AKAP19: variants seen among roughly 807,000 people sequenced by gnomAD.
The protein encoded by AKAP19 is small A-kinase anchoring protein.
the AKAP19 span, among the ~76,000 whole-genome samples, chr2:189,886,773 GAAACATTCAGAACTGTGCCATAGC>G: frequency 3.9e-3 from 601 of 152,276 alleles, 4 homozygotes; most frequent in Non-Finnish European, 7.1e-3. Context: ...TACTAGGTAT[GAAACATTCAGAACTGTGCCATAGC>G]AAACATTCAG....
chr2:190,183,732 T>C, the AKAP19 span, among the ~76,000 whole-genome samples: 1 of 152,122 alleles, frequency 6.6e-6, no homozygotes. Context: ...AGAATAGTTC[T>C]GTGCTGACAT....
At chr2:190,052,126 A>G in the AKAP19 span, among the ~76,000 whole-genome samples, 1 of 152,066 alleles carries the variant, frequency 6.6e-6, no homozygotes, top group African/African-American at 2.4e-5. Context: ...GGCGTGATCT[A>G]CTTTTCTTTA....
chr2:190,021,649 C>A, the AKAP19 span, among the ~76,000 whole-genome samples: 2 of 152,190 alleles, frequency 1.3e-5, no homozygotes, highest in African/African-American at 2.4e-5. Flanking sequence ...GGGCATGGTG[C>A]AGACACAAGG....
At chr2:190,110,532 A>G in the AKAP19 span, among the ~76,000 whole-genome samples, 1 of 152,224 alleles carries the variant, frequency 6.6e-6, no homozygotes, top group Non-Finnish European at 1.5e-5. Context: ...TTCTGCTCAG[A>G]TGTAAGGTGA....
the AKAP19 span, chr2:189,923,414 G>A: frequency 6.2e-7 from 1 of 1,613,674 alleles, no homozygotes; most frequent in Non-Finnish European, 8.5e-7. Flanking sequence ...CAACACTCTT[G>A]TGGTCAAGAA....
the AKAP19 span, among the ~76,000 whole-genome samples, chr2:190,047,429 C>A: frequency 5.2e-3 from 789 of 152,346 alleles, 7 homozygotes; most frequent in African/African-American, 0.018. Flanking sequence ...TTCCTCACTT[C>A]TCCCGCAGCA....
At chr2:189,962,088 TCAA>T in the AKAP19 span, among the ~76,000 whole-genome samples, 2 of 152,188 alleles carry the variant, frequency 1.3e-5, no homozygotes, top group East Asian at 1.9e-4. Context: ...GCTGTTTCAG[TCAA>T]CAATGAACAG....
chr2:190,103,715 A>G, the AKAP19 span, among the ~76,000 whole-genome samples: 1 of 152,262 alleles, frequency 6.6e-6, no homozygotes. Flanking sequence ...AAAATATTCC[A>G]TACTCATAAA....
At chr2:190,002,756 T>C in the AKAP19 span, among the ~76,000 whole-genome samples, 1 of 152,176 alleles carries the variant, frequency 6.6e-6, no homozygotes, top group Non-Finnish European at 1.5e-5. Context: ...ATTTTTTCCT[T>C]CTGTCTCCTA....
chr2:190,169,086 G>A, the AKAP19 span, among the ~76,000 whole-genome samples: 1 of 152,122 alleles, frequency 6.6e-6, no homozygotes, highest in Non-Finnish European at 1.5e-5. Context: ...AGGTTTATTG[G>A]ACTTGCAGTT....
the AKAP19 span, among the ~76,000 whole-genome samples, chr2:190,066,715 A>C: frequency 7.2e-5 from 11 of 152,188 alleles, no homozygotes; most frequent in African/African-American, 1.4e-4. Context: ...GAATATGGGA[A>C]TAGAAGGCAG....
chr2:190,052,237 T>C, the AKAP19 span, among the ~76,000 whole-genome samples: 1 of 152,202 alleles, frequency 6.6e-6, no homozygotes, highest in African/African-American at 2.4e-5. Context: ...AGCCATATAA[T>C]TCACTCCATT....
chr2:190,067,188 G>C, the AKAP19 span, among the ~76,000 whole-genome samples: 19 of 152,246 alleles, frequency 1.2e-4, no homozygotes, highest in South Asian at 3.9e-3. Flanking sequence ...TGCTGACAGA[G>C]TCATGATGTC....
chr2:189,923,991 A>T, the AKAP19 span: 2 of 1,599,218 alleles, frequency 1.3e-6, no homozygotes, highest in Non-Finnish European at 1.7e-6. Context: ...AACAATGTTA[A>T]GTCAGAAGAG....
chr2:190,085,705 A>G, the AKAP19 span, among the ~76,000 whole-genome samples: 2 of 152,338 alleles, frequency 1.3e-5, no homozygotes, highest in East Asian at 3.9e-4. Context: ...TGAAATTGGT[A>G]ATGACCTCAC....
chr2:190,015,042 A>G, the AKAP19 span, among the ~76,000 whole-genome samples: 3 of 152,168 alleles, frequency 2.0e-5, no homozygotes, highest in South Asian at 2.1e-4. Context: ...GAGTGTCTGT[A>G]GCTTTTCCAC....
chr2:190,084,090 G>GTTTT, the AKAP19 span, among the ~76,000 whole-genome samples: 38 of 132,044 alleles, frequency 2.9e-4, 3 homozygotes, highest in South Asian at 4.9e-4. Flanking sequence ...TAGAGCTCAG[G>GTTTT]TTTTTTTTTT....
the AKAP19 span, among the ~76,000 whole-genome samples, chr2:189,960,048 A>G: frequency 2.6e-5 from 4 of 152,350 alleles, no homozygotes; most frequent in East Asian, 7.7e-4. Context: ...TTCATATTCA[A>G]TTAGAGTTCA....
At chr2:189,916,458 A>G in the AKAP19 span, among the ~76,000 whole-genome samples, 13 of 151,474 alleles carry the variant, frequency 8.6e-5, no homozygotes, top group Non-Finnish European at 1.6e-4. Context: ...AATAGCTCAG[A>G]TTACAGGCAT....
Sources: allele counts gnomAD v4.1 joint callset (sites outside exome capture counted in the v4.1 genomes callset), GRCh38; gene constraint gnomAD v4.1.1; transcripts MANE v1.5; gene names NCBI Gene and HGNC (gene_info 2026-07-23, HGNC 2026-07-21).